Variants in PPP2R2B observed in about 807,000 individuals in gnomAD.
PPP2R2B encodes serine/threonine-protein phosphatase 2A 55 kDa regulatory subunit B beta isoform.
Under a neutral mutation model 46.0 loss-of-function variants are expected in PPP2R2B, and 5 were observed. The ratio of observed to expected loss-of-function variants is 0.11; its 90% CI spans 0.06 to 0.23. The LOEUF (loss-of-function observed/expected upper bound fraction) is 0.23. PPP2R2B is among the 10% of genes least tolerant of loss of function. PPP2R2B has a pLI of 1.00. For synonymous variants in PPP2R2B, 215 were observed against 206.7 expected (o/e 1.04, Z -0.34); for missense variants, 367 against 575.0 (o/e 0.64, Z 3.70).
chr5:146,828,477 T>C (rs922645343), intron 2 of PPP2R2B, among the ~76,000 whole-genome samples: 1 of 152,152 alleles, frequency 6.6e-6, no homozygotes, highest in Admixed American at 6.5e-5. Context: ...ACTGCTTTCT[T>C]TGTAATGAGT....
intron 2 of PPP2R2B, among the ~76,000 whole-genome samples, chr5:146,783,123 T>A (rs886820351): frequency 1.3e-5 from 2 of 152,072 alleles, no homozygotes; most frequent in African/African-American, 4.8e-5. Flanking sequence ...TTAAACAAAT[T>A]AAGATTAATG....
At chr5:146,775,100 AAAAC>A (rs1755103324) in intron 2 of PPP2R2B, among the ~76,000 whole-genome samples, 1 of 152,198 alleles carries the variant, frequency 6.6e-6, no homozygotes, top group African/African-American at 2.4e-5. Flanking sequence ...CAAAAAAACG[AAAAC>A]AAAAACACAG....
Position 146,692,132 on chromosome 5 carries a change from C to T in PPP2R2B, c.335-892G>A, listed in dbSNP as rs537378612. ...ATCTTGTTTATCACTGTACCACCAG[C>T]ACCCAGAACAGTGCCTGGCACACAA... On this transcript the variant is annotated intron_variant, in intron 4 of 9. Transcript: ENST00000394411. Among the ~76,000 whole-genome samples, 4 of 152,330 alleles carry T rather than the reference C, an allele frequency of 2.6e-5. No individual in the cohort carries two copies. The East Asian group carries it at 7.7e-4, about 29-fold the overall frequency.
At chr5:146,858,194 G>T (rs1760788547) in intron 2 of PPP2R2B, among the ~76,000 whole-genome samples, 1 of 152,200 alleles carries the variant, frequency 6.6e-6, no homozygotes, top group African/African-American at 2.4e-5. Context: ...CTAGCAAGTG[G>T]TGGAGCCAGG....
At chr5:146,978,218 G>C (rs763846465) in intron 1 of PPP2R2B, among the ~76,000 whole-genome samples, 81 of 151,586 alleles carry the variant, frequency 5.3e-4, no homozygotes, top group Non-Finnish European at 1.0e-3. Context: ...CTTTTTGATG[G>C]GTTTTTTTTA....
intron 2 of PPP2R2B, among the ~76,000 whole-genome samples, chr5:147,061,251 G>T (rs2151907467): frequency 6.6e-6 from 1 of 152,230 alleles, no homozygotes; most frequent in Non-Finnish European, 1.5e-5. Context: ...ATTTTAGGTG[G>T]TGAAAAGTAG....
chr5:146,910,547 G>T, intron 1 of PPP2R2B, among the ~76,000 whole-genome samples: 1 of 152,164 alleles, frequency 6.6e-6, no homozygotes, highest in East Asian at 1.9e-4. Flanking sequence ...ACCATTAGTT[G>T]CCTCATCTGC....
chr5:146,722,962 C>T (rs924289872), intron 2 of PPP2R2B, among the ~76,000 whole-genome samples: 1 of 152,192 alleles, frequency 6.6e-6, no homozygotes, highest in Non-Finnish European at 1.5e-5. Flanking sequence ...ATGTGCCTTT[C>T]TCTGCCTGGA....
chr5:146,667,847 C>A (rs1403230089), intron 5 of PPP2R2B, among the ~76,000 whole-genome samples: 3 of 152,110 alleles, frequency 2.0e-5, no homozygotes, highest in Non-Finnish European at 4.4e-5. Flanking sequence ...TGAGTCACTC[C>A]AGCCCAGATT....
intron 1 of PPP2R2B, among the ~76,000 whole-genome samples, chr5:147,007,465 T>C (rs1418430123): frequency 6.6e-6 from 1 of 152,110 alleles, no homozygotes; most frequent in East Asian, 1.9e-4. Context: ...AATAGACCAA[T>C]CAGCTCTCTG....
chr5:147,022,943 T>C (rs1215177965), intron 1 of PPP2R2B, among the ~76,000 whole-genome samples: 1 of 152,096 alleles, frequency 6.6e-6, no homozygotes, highest in Non-Finnish European at 1.5e-5. Context: ...TTGTCATGCA[T>C]AAGATTTTAG....
At chr5:146,964,588 T>C (rs984821158) in intron 1 of PPP2R2B, among the ~76,000 whole-genome samples, 1 of 152,104 alleles carries the variant, frequency 6.6e-6, no homozygotes, top group Non-Finnish European at 1.5e-5. Flanking sequence ...TGCAGTGGCA[T>C]GATCTTGGCT....
At chr5:146,969,424 C>T (rs1490924729) in intron 1 of PPP2R2B, among the ~76,000 whole-genome samples, 1 of 152,084 alleles carries the variant, frequency 6.6e-6, no homozygotes, top group Non-Finnish European at 1.5e-5. Context: ...GAGTACAAAG[C>T]CAGGACATAT....
chr5:146,686,072 C>A (rs1198031844), intron 5 of PPP2R2B, among the ~76,000 whole-genome samples: 1 of 152,194 alleles, frequency 6.6e-6, no homozygotes, highest in South Asian at 2.1e-4. Context: ...TGAATTCCAG[C>A]TCTTCCGTTT....
chr5:146,764,185 G>A (rs918466054), intron 2 of PPP2R2B, among the ~76,000 whole-genome samples: 20 of 152,102 alleles, frequency 1.3e-4, no homozygotes, highest in Non-Finnish European at 2.4e-4. Context: ...GAAAGTGGAA[G>A]GGGCACTCCA....
chr5:146,959,405 G>A (rs943281005), intron 1 of PPP2R2B, among the ~76,000 whole-genome samples: 2 of 152,170 alleles, frequency 1.3e-5, no homozygotes, highest in Non-Finnish European at 2.9e-5. Context: ...AGTGATTGTA[G>A]TATAGGTATC....
intron 2 of PPP2R2B, among the ~76,000 whole-genome samples, chr5:146,704,105 C>A (rs1039959256): frequency 1.3e-5 from 2 of 152,174 alleles, no homozygotes; most frequent in African/African-American, 4.8e-5. Context: ...GTAGGTGTAA[C>A]TGGAATACTT....
At chr5:146,884,565 G>A (rs538647469) in intron 1 of PPP2R2B, among the ~76,000 whole-genome samples, 1 of 152,300 alleles carries the variant, frequency 6.6e-6, no homozygotes, top group South Asian at 2.1e-4. Flanking sequence ...TCTACTGTGC[G>A]TGATTTCACT....
At chr5:146,749,944 T>C (rs1753452228) in intron 2 of PPP2R2B, among the ~76,000 whole-genome samples, 1 of 152,184 alleles carries the variant, frequency 6.6e-6, no homozygotes, top group Admixed American at 6.5e-5. Flanking sequence ...ATTTTATATC[T>C]AAGTCTGTGA....
Sources: gnomAD v4.1 joint callset for allele counts (sites outside exome capture counted in the v4.1 genomes callset) on GRCh38, gnomAD v4.1.1 for gene constraint, MANE v1.5 for transcripts, NCBI Gene and HGNC (gene_info 2026-07-23, HGNC 2026-07-21) for gene names.